Variants in RASSF3 observed in about 807,000 individuals in gnomAD.
RASSF3 encodes Ras association domain family member 3, also known as ras association domain-containing protein 3.
In RASSF3, 19 loss-of-function variants were observed where a neutral mutation model predicts 19.9. That is an observed-to-expected ratio of 0.96 (90% CI 0.67 to 1.40). RASSF3 has a LOEUF of 1.40. Ranked by LOEUF, RASSF3 falls within the 40% of genes most tolerant of loss-of-function variation. The probability of loss-of-function intolerance (pLI) is 0.00; values close to 1 mark genes in which losing one functional copy is unlikely to be tolerated. For missense variants in RASSF3, 306 were observed against 289.8 expected (o/e 1.06, Z -0.41); for synonymous variants, 110 against 104.2 (o/e 1.06, Z -0.34).
chr12:64,553,892 C>T (rs1869207069), intron 2 of RASSF3, among the ~76,000 whole-genome samples: 1 of 151,378 alleles, frequency 6.6e-6, no homozygotes, highest in Non-Finnish European at 1.5e-5. Flanking sequence ...TGGGAGGATT[C>T]CCTGAGCCTG....
At chr12:64,513,521 G>C (rs1335357024) in intron 1 of RASSF3, among the ~76,000 whole-genome samples, 1 of 151,640 alleles carries the variant, frequency 6.6e-6, no homozygotes, top group African/African-American at 2.4e-5. Flanking sequence ...CAAATCTCAG[G>C]AGATATATAA....
At chr12:64,560,547 T>C (rs1869329698) in intron 2 of RASSF3, among the ~76,000 whole-genome samples, 2 of 152,182 alleles carry the variant, frequency 1.3e-5, no homozygotes, top group South Asian at 4.1e-4. Flanking sequence ...TCACCACTGA[T>C]GAAATCTTTA....
chr12:64,691,669 G>T (rs1290187205), intron 4 of RASSF3, 90 bp downstream of exon 4: 35 of 913,106 alleles, frequency 3.8e-5, no homozygotes, highest in Non-Finnish European at 7.0e-6. Flanking sequence ...ATTGATGGGG[G>T]ATGGGAAGAG....
chr12:64,688,215 G>C lies in RASSF3; in HGVS notation c.220-1G>C, dbSNP rs769734610. ...AGTGTGTGCTTCTCTCCCTGCTTCA[G>C]AATTCAAATGGGATTTACACTGGCT... On this transcript the variant is annotated splice_acceptor_variant, in intron 2 of 4. Coordinates refer to ENST00000542104, the MANE Select transcript of RASSF3 (RefSeq NM_178169.4). LOFTEE classifies it high-confidence loss of function. The C allele has an allele frequency of 1.2e-6, 2 of 1,610,750 alleles. No homozygotes were observed. Among genetic ancestry groups the C allele is most frequent in the South Asian group, 1.1e-5 (1 of 91,010 alleles).
chr12:64,545,116 G>A (rs1869031829), downstream of RASSF3, among the ~76,000 whole-genome samples: 1 of 152,154 alleles, frequency 6.6e-6, no homozygotes, highest in African/African-American at 2.4e-5. Context: ...AGTTGTACTA[G>A]CCTTTAAATT....
chr12:64,571,627 C>T (rs1869520916), intron 2 of RASSF3, among the ~76,000 whole-genome samples: 1 of 152,146 alleles, frequency 6.6e-6, no homozygotes, highest in Non-Finnish European at 1.5e-5. Context: ...GGGAGGAAGC[C>T]AAGCTTGGCA....
chr12:64,613,526 A>T (rs1238747056), intron 1 of RASSF3, among the ~76,000 whole-genome samples: 1 of 152,210 alleles, frequency 6.6e-6, no homozygotes, highest in Non-Finnish European at 1.5e-5. Context: ...GCAAGGGAAC[A>T]TAGTGCAACT....
chr12:64,579,602 T>C (rs1000233869), intron 2 of RASSF3, among the ~76,000 whole-genome samples: 11 of 152,148 alleles, frequency 7.2e-5, no homozygotes, highest in African/African-American at 2.4e-4. Flanking sequence ...CCGCCTGCCT[T>C]GGCCTTCCAA....
chr12:64,562,104 G>A (rs183818199), intron 2 of RASSF3, among the ~76,000 whole-genome samples: 14 of 151,994 alleles, frequency 9.2e-5, no homozygotes, highest in African/African-American at 3.4e-4. Context: ...GCAGTGGTGC[G>A]ATCTTGACTC....
chr12:64,533,316 A>G (rs1868755025), exon 1 of RASSF3: 1 of 152,302 alleles, frequency 6.6e-6, no homozygotes, highest in Admixed American at 6.5e-5. Flanking sequence ...CTTTCAGGTG[A>G]AGAAAACTCA....
In RASSF3 at chr12:64,595,447, C is replaced by T. The variant is rs576080354; in HGVS notation, c.294+53742C>T. ...TCTTCCCCAAACCTACTTCCCCCTG[C>T]ACCTGGAAGTCCAAAACCACCTTCT... On this transcript the variant is annotated intron_variant, in intron 2 of 5. Coordinates refer to the RASSF3 transcript ENST00000637125. Among the ~76,000 whole-genome samples, 3 of 152,316 alleles carry T rather than the reference C, an allele frequency of 2.0e-5. No homozygotes were observed. The East Asian group carries it at 5.8e-4, about 29-fold the overall frequency.
chr12:64,525,084 T>C (rs149085930), intron 1 of RASSF3, among the ~76,000 whole-genome samples: 470 of 152,216 alleles, frequency 3.1e-3, no homozygotes, highest in Middle Eastern at 0.017. Context: ...GAGACCAGCA[T>C]AGCCAACATG....
intron 2 of RASSF3, among the ~76,000 whole-genome samples, chr12:64,554,327 G>A (rs1202696718): frequency 6.6e-6 from 1 of 152,082 alleles, no homozygotes; most frequent in Non-Finnish European, 1.5e-5. Context: ...TTTTTGAGAT[G>A]GAGTTTCACT....
chr12:64,671,586 C>G (rs1872704392), intron 1 of RASSF3, among the ~76,000 whole-genome samples: 1 of 152,230 alleles, frequency 6.6e-6, no homozygotes, highest in East Asian at 1.9e-4. Flanking sequence ...AGGTGCTAAT[C>G]ACCTAACTTT....
intron 1 of RASSF3, among the ~76,000 whole-genome samples, chr12:64,648,776 C>T (rs116659394): frequency 0.013 from 1,936 of 148,606 alleles, 45 homozygotes; most frequent in African/African-American, 0.045. Context: ...CCACCAAGCC[C>T]GGCCAAGCTT....
chr12:64,590,303 C>T (rs1869897932), intron 2 of RASSF3, among the ~76,000 whole-genome samples: 1 of 151,252 alleles, frequency 6.6e-6, no homozygotes, highest in Non-Finnish European at 1.5e-5. Flanking sequence ...ATTAAATGAA[C>T]ATTAACTTAT....
chr12:64,651,006 T>A lies in RASSF3; in HGVS notation c.112-33781T>A, dbSNP rs1010813260. Among the ~76,000 whole-genome samples, 12 of 152,310 alleles carry A rather than the reference T, an allele frequency of 7.9e-5. No homozygotes were observed. In the South Asian group the frequency reaches 1.9e-3, roughly 24 times the overall value. On this transcript the variant is annotated intron_variant, in intron 1 of 4. Coordinates refer to ENST00000542104, the MANE Select transcript of RASSF3 (RefSeq NM_178169.4). ...ATTTCTTACAGGCTTGTAAAGTGGTTTCCAAGATCTGTTTGCTGTGTGTGC... is the reference window on the plus strand; with the variant it reads ...ATTTCTTACAGGCTTGTAAAGTGGTATCCAAGATCTGTTTGCTGTGTGTGC...
intron 1 of RASSF3, among the ~76,000 whole-genome samples, chr12:64,654,521 G>A (rs2136193195): frequency 6.6e-6 from 1 of 151,766 alleles, no homozygotes; most frequent in East Asian, 1.9e-4. Context: ...CTAATTCACC[G>A]TGGCTGGGCA....
intron 2 of RASSF3, among the ~76,000 whole-genome samples, chr12:64,599,824 A>G (rs1870058603): frequency 6.6e-6 from 1 of 151,946 alleles, no homozygotes; most frequent in East Asian, 1.9e-4. Context: ...CGAGGTCAGG[A>G]GATCGAGACC....
Sources: gnomAD v4.1 joint callset for allele counts (sites outside exome capture counted in the v4.1 genomes callset) on GRCh38, gnomAD v4.1.1 for gene constraint, MANE v1.5 for transcripts, NCBI Gene and HGNC (gene_info 2026-07-23, HGNC 2026-07-21) for gene names.